VWA3B: variants seen among roughly 807,000 people sequenced by gnomAD.
VWA3B encodes the protein von Willebrand factor A domain containing 3B, also known as von Willebrand factor A domain-containing protein 3B.
In VWA3B, 138 loss-of-function variants were observed where a neutral mutation model predicts 158.3. The observed-to-expected ratio is 0.87, with a 90% CI of 0.76 to 1.00. The LOEUF is 1.00. Ranked by LOEUF, VWA3B falls within the 50% of genes least tolerant of loss-of-function variation. The pLI is 0.00. For synonymous variants in VWA3B, 596 were observed against 587.3 expected (o/e 1.01, Z -0.21); for missense variants, 1,555 against 1,565.1 (o/e 0.99, Z 0.11).
Position 98,290,515 on chromosome 2 carries a change from A to C in VWA3B, c.3050A>C (p.Gln1017Pro). The C allele has an allele frequency of 6.3e-7, 1 of 1,575,396 alleles. No homozygotes were observed. The highest frequency in any genetic ancestry group is 2.1e-5 in the Admixed American group (1 of 47,812). The change falls in exon 23 of 28, where the codon CAG (glutamine) becomes CCG (proline). Residue 1017 changes from glutamine (Q) to proline (P), a missense_variant. Transcript: ENST00000477737. ...TTTCTGCTTTGTCTTTTTCAGCAAC[A>C]GAAATTGCAAGGAAATCCAACAAAG... Reference protein sequence around the residue: ...NYANKAPGEQQKLQGNPTKKT... With the variant: ...NYANKAPGEQPKLQGNPTKKT...
At chr2:98,207,525 A>G in intron 12 of VWA3B, 1 of 519,028 alleles carries the variant, frequency 1.9e-6, no homozygotes, top group Non-Finnish European at 3.9e-6. Flanking sequence ...TGTGGATAAT[A>G]CAACGTTTCT....
chr2:98,244,618 T>C (rs1038905639), intron 19 of VWA3B, among the ~76,000 whole-genome samples: 3 of 152,264 alleles, frequency 2.0e-5, no homozygotes, highest in African/African-American at 7.2e-5. Context: ...TATATAGTTT[T>C]AGTGTTTTAT....
chr2:98,153,399 G>T (rs755531151), intron 7 of VWA3B, among the ~76,000 whole-genome samples: 9 of 152,144 alleles, frequency 5.9e-5, no homozygotes, highest in Non-Finnish European at 1.2e-4. Context: ...AAAAATGTGG[G>T]TGATTCTACC....
intron 4 of VWA3B, among the ~76,000 whole-genome samples, chr2:98,120,430 G>T (rs1674873245): frequency 6.6e-6 from 1 of 152,198 alleles, no homozygotes; most frequent in Admixed American, 6.5e-5. Flanking sequence ...CATCTTTGGG[G>T]ACAATGCCTA....
At chr2:98,303,588 C>A in intron 25 of VWA3B, 114 bp from the exon 26 acceptor site, 1 of 956,698 alleles carries the variant, frequency 1.0e-6, no homozygotes, top group Non-Finnish European at 1.6e-6. Flanking sequence ...AAGTGTCACC[C>A]TGAATAGGAT....
chr2:98,113,428 C>T (rs1674298259), intron 2 of VWA3B, among the ~76,000 whole-genome samples: 1 of 152,062 alleles, frequency 6.6e-6, no homozygotes, highest in Non-Finnish European at 1.5e-5. Flanking sequence ...TTTTTATCCA[C>T]ATTTGGTTGA....
intron 2 of VWA3B, among the ~76,000 whole-genome samples, chr2:98,100,693 T>C (rs1683022068): frequency 1.3e-5 from 2 of 152,186 alleles, no homozygotes; most frequent in African/African-American, 2.4e-5. Context: ...CTGCTGGATT[T>C]TCCTGTGTCA....
chr2:98,104,994 C>A (rs1470017218), intron 2 of VWA3B, among the ~76,000 whole-genome samples: 6 of 152,108 alleles, frequency 3.9e-5, no homozygotes, highest in Non-Finnish European at 8.8e-5. Context: ...AATTCAGAGT[C>A]ATAATTTTTG....
intron 26 of VWA3B, among the ~76,000 whole-genome samples, chr2:98,309,851 T>C (rs1690778206): frequency 6.6e-6 from 1 of 152,310 alleles, no homozygotes; most frequent in Middle Eastern, 3.4e-3. Context: ...CTGGTTGGAT[T>C]AGGAGCCCCA....
intron 3 of VWA3B, among the ~76,000 whole-genome samples, chr2:98,117,625 G>A (rs1485029101): frequency 6.6e-6 from 1 of 152,180 alleles, no homozygotes; most frequent in African/African-American, 2.4e-5. Flanking sequence ...AGAGCCTGGA[G>A]GGATACTGTA....
rs766177420 is a variant in VWA3B at position 98,181,128 on chromosome 2, G to A, written c.1227G>A (p.Val409=). The A allele has an allele frequency of 6.2e-7, 1 of 1,614,198 alleles. No homozygotes were observed. The highest frequency in any genetic ancestry group is 8.5e-7 in the Non-Finnish European group (1 of 1,180,042). Reference sequence around the variant, plus strand: ...CCCAGAAGCTATCCTTGTATGATGTGCTTGCCGACTGCTCTTTCCGCCACG... The same window carrying A: ...CCCAGAAGCTATCCTTGTATGATGTACTTGCCGACTGCTCTTTCCGCCACG... The part of the protein sequence containing the change: ...LKAQKLSLYD[V]LADCSFRHAD... The change falls in exon 9 of 28, where the codon GTG becomes GTA. Residue 409 remains valine, a synonymous_variant. Transcript: ENST00000477737.
the VWA3B span, among the ~76,000 whole-genome samples, chr2:98,326,497 A>G: frequency 1.3e-5 from 2 of 152,334 alleles, no homozygotes; most frequent in African/African-American, 2.4e-5. Context: ...ATGGCAGCTT[A>G]CACCTGTAAT....
At chr2:98,094,114 A>G (rs1404094141) in intron 2 of VWA3B, among the ~76,000 whole-genome samples, 1 of 152,178 alleles carries the variant, frequency 6.6e-6, no homozygotes, top group Non-Finnish European at 1.5e-5. Context: ...GAGTGCAGAT[A>G]TCTCTTTCAC....
chr2:98,190,419 A>C (rs1681479802), intron 10 of VWA3B, among the ~76,000 whole-genome samples: 1 of 152,154 alleles, frequency 6.6e-6, no homozygotes, highest in South Asian at 2.1e-4. Context: ...ACTAGAGTAG[A>C]TGTATTTTAT....
At chr2:98,216,906 C>G (rs1257903839) in intron 13 of VWA3B, 5 of 1,299,398 alleles carry the variant, frequency 3.8e-6, no homozygotes, top group Non-Finnish European at 5.1e-6. Flanking sequence ...GTCTCTCGCT[C>G]TGGAGCTGTT....
intron 19 of VWA3B, chr2:98,245,630 T>G: frequency 2.2e-6 from 1 of 456,646 alleles, no homozygotes; most frequent in Non-Finnish European, 4.4e-6. Flanking sequence ...TGGGTTTTTC[T>G]TAAATACATT....
rs1462234217 is a variant in VWA3B at position 98,266,871 on chromosome 2, G to T, written c.2844-3811G>T. ...TTGTCTGTTATTGGTGTATAAGAAT[G>T]CTTGTGGTTTTTGTACATTGATTTT... On this transcript the variant is annotated intron_variant, in intron 21 of 27. Coordinates refer to ENST00000477737, the MANE Select transcript of VWA3B (RefSeq NM_144992.5). Among the ~76,000 whole-genome samples, 102 of 149,454 alleles carry T rather than the reference G, an allele frequency of 6.8e-4. 1 individual carries two copies. The highest frequency in any genetic ancestry group is 2.5e-3 in the African/African-American group (100 of 40,632).
At chr2:98,137,859 TAAC>T (rs143710854) in intron 7 of VWA3B, among the ~76,000 whole-genome samples, 31,127 of 152,072 alleles carry the variant, frequency 0.2, 4,227 homozygotes, top group African/African-American at 0.4. Context: ...TGTAAAATAA[TAAC>T]AAATTCTGTT....
chr2:98,230,163 G>T lies in VWA3B; in HGVS notation c.2264G>T (p.Gly755Val), dbSNP rs748046564. The T allele has an allele frequency of 9.4e-6, 15 of 1,599,788 alleles. No homozygotes were observed. Among genetic ancestry groups the T allele is most frequent in the East Asian group, 9.0e-5 (4 of 44,562 alleles). ...SSLNMLKGPW[G>V]LSDQKVQKKK... The stretch of plus-strand genomic sequence containing the variant: ...CTGAATATGTTGAAGGGACCATGGG[G>T]CCTTTCAGATCAAAAGGTTCAGAAA... Residue 755 changes from glycine (G) to valine (V), a missense_variant, in exon 16 of 28, where the codon GGC (glycine) becomes GTC (valine). Coordinates refer to ENST00000477737, the MANE Select transcript of VWA3B (RefSeq NM_144992.5).
Sources: allele counts gnomAD v4.1 joint callset (sites outside exome capture counted in the v4.1 genomes callset), GRCh38; gene constraint gnomAD v4.1.1; transcripts MANE v1.5; gene names NCBI Gene and HGNC (gene_info 2026-07-23, HGNC 2026-07-21).